HS6ST3: variants seen among roughly 807,000 people sequenced by gnomAD.
HS6ST3 encodes the protein heparan-sulfate 6-O-sulfotransferase 3.
In HS6ST3, 12 loss-of-function variants were observed where a neutral mutation model predicts 36.7. That is an observed-to-expected ratio of 0.33 (90% CI 0.21 to 0.53). HS6ST3 has a LOEUF of 0.53. Among genes scored for constraint, HS6ST3 ranks in the 20% least tolerant of loss-of-function variants. The pLI, the probability that HS6ST3 is intolerant of heterozygous loss-of-function variation, is 0.95. For missense variants in HS6ST3, 584 were observed against 640.9 expected, an observed-to-expected ratio of 0.91 and a Z score of 0.96; for synonymous variants, 240 against 257.5, an observed-to-expected ratio of 0.93 and a Z score of 0.65.
chr13:96,193,614 T>C (rs2054299131), intron 1 of HS6ST3, among the ~76,000 whole-genome samples: 1 of 152,110 alleles, frequency 6.6e-6, no homozygotes, highest in Non-Finnish European at 1.5e-5. Context: ...ATGGGCACAC[T>C]CTTCAAAACT....
intron 1 of HS6ST3, among the ~76,000 whole-genome samples, chr13:96,804,237 G>A (rs890650476): frequency 6.6e-6 from 1 of 152,124 alleles, no homozygotes; most frequent in Admixed American, 6.5e-5. Context: ...ATGGAAGGAT[G>A]TGCAGCTAAA....
chr13:96,804,700 CTTT>C (rs1878156365), intron 1 of HS6ST3, among the ~76,000 whole-genome samples: 1 of 152,012 alleles, frequency 6.6e-6, no homozygotes, highest in Admixed American at 6.6e-5. Context: ...AGAAGGAAAG[CTTT>C]CATTTCAACA....
chr13:96,269,673 G>A (rs2139387623), intron 1 of HS6ST3, among the ~76,000 whole-genome samples: 1 of 152,034 alleles, frequency 6.6e-6, no homozygotes, highest in South Asian at 2.1e-4. Flanking sequence ...CTTTAGCTTT[G>A]ACTGAGTTTT....
At chr13:96,595,474 CTCTT>C (rs764001332) in intron 1 of HS6ST3, among the ~76,000 whole-genome samples, 13 of 151,382 alleles carry the variant, frequency 8.6e-5, no homozygotes, top group South Asian at 8.3e-4. Flanking sequence ...CTCTCTCTCT[CTCTT>C]TGTTTTTTAT....
chr13:96,370,003 C>A (rs968951720), intron 1 of HS6ST3, among the ~76,000 whole-genome samples: 3 of 152,112 alleles, frequency 2.0e-5, no homozygotes, highest in Admixed American at 2.0e-4. Flanking sequence ...AGTCACTTCT[C>A]TCTGGCCCCA....
intron 1 of HS6ST3, among the ~76,000 whole-genome samples, chr13:96,567,408 T>C (rs902385354): frequency 1.3e-5 from 2 of 152,178 alleles, no homozygotes; most frequent in African/African-American, 4.8e-5. Context: ...TTGATTGGCA[T>C]CAGACTTCCC....
At chr13:96,227,314 T>C (rs1024014622) in intron 1 of HS6ST3, among the ~76,000 whole-genome samples, 1 of 152,248 alleles carries the variant, frequency 6.6e-6, no homozygotes, top group African/African-American at 2.4e-5. Context: ...GGTGTCATTT[T>C]GATAAATGGT....
intron 1 of HS6ST3, among the ~76,000 whole-genome samples, chr13:96,220,983 A>C (rs2054452189): frequency 6.6e-6 from 1 of 152,210 alleles, no homozygotes; most frequent in Admixed American, 6.5e-5. Context: ...AAAATAATTA[A>C]AAATTGAACA....
chr13:96,126,294 T>C (rs2053950623), intron 1 of HS6ST3, among the ~76,000 whole-genome samples: 1 of 152,202 alleles, frequency 6.6e-6, no homozygotes. Flanking sequence ...GTGCTACGCT[T>C]GGTCTCCTCC....
At chr13:96,251,691 G>A (rs942175844) in intron 1 of HS6ST3, among the ~76,000 whole-genome samples, 2 of 151,600 alleles carry the variant, frequency 1.3e-5, no homozygotes, top group Admixed American at 1.3e-4. Context: ...GGCCTTTATT[G>A]CTCTAAATTT....
rs969271130 is a variant in HS6ST3 at position 96,412,277 on chromosome 13, A to T, written c.707+320708A>T. 7.2e-5 allele frequency among the ~76,000 whole-genome samples: 11 copies of T among 152,290 alleles called. No individual in the cohort carries two copies. The East Asian group carries it at 1.4e-3, about 19-fold the overall frequency. On this transcript the variant is annotated intron_variant, in intron 1 of 1. Coordinates refer to ENST00000376705, the MANE Select transcript of HS6ST3 (RefSeq NM_153456.4). ...CTTGGCCTCCCAAAGTGCTGGGATT[A>T]CAGGCGAGAGCCACTGCACCTGGCC...
In HS6ST3 at chr13:96,456,417, C is replaced by A. The variant is rs189380765; in HGVS notation, c.707+364848C>A. ...ATCTAGATTTGAATATCCAGTAGCCCTCTACCCCAATTACATGAATTACTG... is the reference window on the plus strand; with the variant it reads ...ATCTAGATTTGAATATCCAGTAGCCATCTACCCCAATTACATGAATTACTG... On this transcript the variant is annotated intron_variant, in intron 1 of 1. Coordinates refer to ENST00000376705, the MANE Select transcript of HS6ST3 (RefSeq NM_153456.4). Among the ~76,000 whole-genome samples the A allele has an allele frequency of 6.8e-3, 1,038 of 152,238 alleles. 34 individuals carry two copies. The highest frequency in any genetic ancestry group is 0.046 in the Admixed American group (698 of 15,296).
At chr13:96,636,672 C>T (rs2056550811) in intron 1 of HS6ST3, among the ~76,000 whole-genome samples, 1 of 152,062 alleles carries the variant, frequency 6.6e-6, no homozygotes. Context: ...TCCAGGAGTC[C>T]CTATTGCTAG....
chr13:96,799,958 A>ATATG (rs1878009009), intron 1 of HS6ST3, among the ~76,000 whole-genome samples: 1 of 92,536 alleles, frequency 1.1e-5, no homozygotes, highest in African/African-American at 6.3e-5. Flanking sequence ...ATATATATAT[A>ATATG]TATATGTGTA....
chr13:96,622,207 A>G (rs1197639778), intron 1 of HS6ST3, among the ~76,000 whole-genome samples: 1 of 150,384 alleles, frequency 6.6e-6, no homozygotes, highest in Non-Finnish European at 1.5e-5. Context: ...TTTTACTGAT[A>G]TAATTTCAAA....
rs537114199 is a variant in HS6ST3 at position 96,761,697 on chromosome 13, A to G, written c.708-70793A>G. 6.6e-5 allele frequency among the ~76,000 whole-genome samples: 10 copies of G among 152,168 alleles called. No individual in the cohort carries two copies. In the South Asian group the frequency reaches 1.7e-3, roughly 25 times the overall value. On this transcript the variant is annotated intron_variant, in intron 1 of 1. Coordinates refer to ENST00000376705, the MANE Select transcript of HS6ST3 (RefSeq NM_153456.4). ...TATTTCATACATTCCCATAAACAAT[A>G]TGTAGTATTGTTTTGAGAATATTCA... is the stretch of plus-strand genomic sequence containing the variant.
chr13:96,615,291 G>A (rs1372947923), intron 1 of HS6ST3, among the ~76,000 whole-genome samples: 1 of 152,188 alleles, frequency 6.6e-6, no homozygotes, highest in African/African-American at 2.4e-5. Context: ...ACAAAAGATA[G>A]TAGTTCAGAA....
At chr13:96,268,508 A>T (rs2054703943) in intron 1 of HS6ST3, among the ~76,000 whole-genome samples, 1 of 151,826 alleles carries the variant, frequency 6.6e-6, no homozygotes. Context: ...ACACATGGGG[A>T]TTATGGGGAC....
At chr13:96,430,417 C>A (rs749932403) in intron 1 of HS6ST3, among the ~76,000 whole-genome samples, 1 of 152,180 alleles carries the variant, frequency 6.6e-6, no homozygotes, top group African/African-American at 2.4e-5. Flanking sequence ...CTTTCCAGGA[C>A]GGTGTCTCCA....
Sources: gnomAD v4.1 joint callset for allele counts (sites outside exome capture counted in the v4.1 genomes callset) on GRCh38, gnomAD v4.1.1 for gene constraint, MANE v1.5 for transcripts, NCBI Gene and HGNC (gene_info 2026-07-23, HGNC 2026-07-21) for gene names.